TSPAN14: variants seen among roughly 807,000 people sequenced by gnomAD.
TSPAN14 encodes tetraspanin-14.
TSPAN14 carries 16 observed loss-of-function variants against 36.6 expected under a neutral mutation model. The ratio of observed to expected loss-of-function variants is 0.44; its 90% confidence interval spans 0.30 to 0.66. The LOEUF is 0.66. Ranked by LOEUF, TSPAN14 falls within the 30% of genes least tolerant of loss-of-function variation. The pLI is 0.12. For synonymous variants in TSPAN14, 139 were observed against 143.8 expected (o/e 0.97, Z 0.24); for missense variants, 231 against 355.1 (o/e 0.65, Z 2.81).
chr10:80,456,128 A>G (rs2131943889), intron 1 of TSPAN14, among the ~76,000 whole-genome samples: 1 of 152,296 alleles, frequency 6.6e-6, no homozygotes, highest in South Asian at 2.1e-4. Context: ...CAAGTCTGGA[A>G]AGTCCCTCAC....
At chr10:80,487,145 AC>A (rs1290140989) in intron 1 of TSPAN14, among the ~76,000 whole-genome samples, 7 of 152,166 alleles carry the variant, frequency 4.6e-5, no homozygotes, top group African/African-American at 1.7e-4. Flanking sequence ...AGTTATAGCT[AC>A]CGTTAGGTTA....
chr10:80,470,754 A>G (rs763913084), intron 1 of TSPAN14, among the ~76,000 whole-genome samples: 7 of 152,204 alleles, frequency 4.6e-5, no homozygotes, highest in Non-Finnish European at 1.0e-4. Flanking sequence ...TGGAACATCT[A>G]TGGTGTTCAG....
At chr10:80,454,778 C>A (rs1362913961) in intron 1 of TSPAN14, among the ~76,000 whole-genome samples, 1 of 152,114 alleles carries the variant, frequency 6.6e-6, no homozygotes, top group East Asian at 1.9e-4. Flanking sequence ...TCCCCAGCAG[C>A]GAGCTCGGGG....
In TSPAN14 at chr10:80,456,662, C is replaced by T. The variant is rs144917043; in HGVS notation, c.-18+2291C>T. ...GCCAGGCCTGGGAAACCTTTGCTGG[C>T]TTAAAATTTAGTGAAGGACAAGATT... On this transcript the variant is annotated intron_variant, in intron 1 of 8. Coordinates refer to ENST00000429989, the Ensembl canonical transcript of TSPAN14. 1.3e-4 allele frequency among the ~76,000 whole-genome samples: 20 copies of T among 152,314 alleles called. No individual in the cohort carries two copies. The East Asian group carries it at 3.9e-3, about 29-fold the overall frequency.
chr10:80,520,467 G>A, exon 9 of TSPAN14: 2 of 450,336 alleles, frequency 4.4e-6, no homozygotes, highest in South Asian at 1.7e-5. Context: ...GCACTGGCCT[G>A]TCCTGAATCC....
intron 1 of TSPAN14, among the ~76,000 whole-genome samples, chr10:80,456,855 G>A (rs761312718): frequency 1.3e-4 from 20 of 152,250 alleles, no homozygotes; most frequent in Middle Eastern, 6.8e-3. Context: ...CTGAGGTCAG[G>A]AGTTCAAGAC....
chr10:80,516,871 C>T (rs1840968359), intron 8 of TSPAN14, among the ~76,000 whole-genome samples: 1 of 152,252 alleles, frequency 6.6e-6, no homozygotes, highest in Admixed American at 6.5e-5. Context: ...ATCCTTTCCT[C>T]TCCCAGGCTG....
intron 5 of TSPAN14, among the ~76,000 whole-genome samples, chr10:80,510,821 C>T (rs1432338057): frequency 6.6e-6 from 1 of 152,132 alleles, no homozygotes; most frequent in Non-Finnish European, 1.5e-5. Flanking sequence ...TGGCAGTGAG[C>T]CGAGATCACG....
At chr10:80,462,845 T>A (rs1221248644) in intron 1 of TSPAN14, among the ~76,000 whole-genome samples, 1 of 152,136 alleles carries the variant, frequency 6.6e-6, no homozygotes, top group African/African-American at 2.4e-5. Flanking sequence ...GAAACTGGGA[T>A]GTGTTCATAG....
chr10:80,504,789 C>G lies in TSPAN14; in HGVS notation c.132+11C>G. On this transcript the variant is annotated intron_variant, in intron 3 of 8. Coordinates refer to ENST00000429989, the Ensembl canonical transcript of TSPAN14. ...GCATGGAGCGAAAAGGTAGGTGTAA[C>G]TGTCGCAGGACACTGAGCTTCAGGC... 6.2e-7 allele frequency: 1 copy of G among 1,614,198 alleles called. No homozygotes were observed. The highest frequency in any genetic ancestry group is 8.5e-7 in the Non-Finnish European group (1 of 1,180,012).
At chr10:80,458,291 T>A (rs1249150794) in intron 1 of TSPAN14, among the ~76,000 whole-genome samples, 4 of 152,128 alleles carry the variant, frequency 2.6e-5, no homozygotes, top group South Asian at 2.1e-4. Flanking sequence ...TGGGGCTAGA[T>A]CCCTGGTCTG....
At chr10:80,480,287 C>G (rs1374817117) in intron 1 of TSPAN14, among the ~76,000 whole-genome samples, 1 of 151,966 alleles carries the variant, frequency 6.6e-6, no homozygotes, top group African/African-American at 2.4e-5. Context: ...CCCTTTATTT[C>G]CTTCTCCTGC....
intron 1 of TSPAN14, among the ~76,000 whole-genome samples, chr10:80,467,276 C>T (rs971508334): frequency 4.6e-5 from 7 of 152,054 alleles, no homozygotes; most frequent in East Asian, 3.8e-4. Flanking sequence ...CTGGGGTCCT[C>T]GTGGCCAAGA....
chr10:80,459,955 A>C (rs1845896407), intron 1 of TSPAN14, among the ~76,000 whole-genome samples: 1 of 152,180 alleles, frequency 6.6e-6, no homozygotes, highest in Non-Finnish European at 1.5e-5. Context: ...GAGGTCAGCC[A>C]CAGCCCCAGA....
intron 1 of TSPAN14, among the ~76,000 whole-genome samples, chr10:80,467,167 G>A (rs1179693871): frequency 6.6e-6 from 1 of 151,982 alleles, no homozygotes; most frequent in Non-Finnish European, 1.5e-5. Context: ...TATTAATGAT[G>A]GTCAGTTTTT....
At chr10:80,500,254 G>A (rs1848422549) in intron 2 of TSPAN14, among the ~76,000 whole-genome samples, 2 of 149,874 alleles carry the variant, frequency 1.3e-5, no homozygotes, top group African/African-American at 4.9e-5. Flanking sequence ...CTGTCTTTCC[G>A]GTGTGAGTTA....
chr10:80,507,483 C>A, intron 4 of TSPAN14, 109 bp downstream of exon 4: 2 of 1,452,394 alleles, frequency 1.4e-6, no homozygotes, highest in East Asian at 4.6e-5. Context: ...TTAGGAGCCT[C>A]CCCTAGGCCC....
chr10:80,457,315 A>G (rs1845781119), intron 1 of TSPAN14, among the ~76,000 whole-genome samples: 1 of 151,796 alleles, frequency 6.6e-6, no homozygotes, highest in Admixed American at 6.6e-5. Flanking sequence ...CAGCCTCCCA[A>G]GTAGCTTGGA....
At chr10:80,476,929 G>T (rs1299655889) in intron 1 of TSPAN14, among the ~76,000 whole-genome samples, 3 of 152,182 alleles carry the variant, frequency 2.0e-5, no homozygotes, top group Non-Finnish European at 2.9e-5. Context: ...TGGCAGGGCT[G>T]TGCTTCTCTC....
Sources: gnomAD v4.1 joint callset for allele counts (sites outside exome capture counted in the v4.1 genomes callset) on GRCh38, gnomAD v4.1.1 for gene constraint, MANE v1.5 for transcripts, NCBI Gene and HGNC (gene_info 2026-07-23, HGNC 2026-07-21) for gene names.